The following MICA variants were observed in gnomAD, a reference collection of about 807,000 sequenced individuals.
The protein encoded by MICA is HLA class I antigen.
MICA carries 18 observed loss-of-function variants against 34.3 expected under a neutral mutation model. The observed-to-expected ratio is 0.52, with a 90% CI of 0.36 to 0.78. MICA has a LOEUF of 0.78. MICA is among the 30% of genes least tolerant of loss of function. The pLI, the probability that MICA is intolerant of heterozygous loss-of-function variation, is 0.00. For missense variants in MICA, 333 were observed against 409.4 expected, an observed-to-expected ratio of 0.81 and a Z score of 1.61; for synonymous variants, 135 against 156.9, an observed-to-expected ratio of 0.86 and a Z score of 1.04.
intron 1 of MICA, among the ~76,000 whole-genome samples, chr6:31,404,197 C>T (rs1184635243): frequency 2.0e-5 from 3 of 151,668 alleles, no homozygotes; most frequent in Non-Finnish European, 4.4e-5. Flanking sequence ...TCTCGGGACC[C>T]GGAGCTGGTG....
At position 31,411,336 on chromosome 6, in the gene MICA, C is replaced by A. The variant is rs1209271029; in HGVS notation, c.590C>A (p.Ser197Tyr). The A allele has an allele frequency of 6.3e-7, 1 of 1,577,036 alleles. No individual in the cohort carries two copies. Among genetic ancestry groups the A allele is most frequent in the Non-Finnish European group, 8.6e-7 (1 of 1,162,186 alleles). ...CAGGAACTACGGCGATATCTAGAAT[C>A]CGGCGTAGTCCTGAGGAGAACAGGT... ...CLQELRRYLESGVVLRRTVPP... is the reference protein window; with the variant it reads ...CLQELRRYLEYGVVLRRTVPP... Residue 197 changes from serine to tyrosine, a missense_variant, in exon 3 of 6, where the codon TCC (serine) becomes TAC (tyrosine). Ser to Tyr is a moderately radical substitution (Grantham distance 144). Coordinates refer to ENST00000449934, the MANE Select transcript of MICA (RefSeq NM_001177519.3). The surrounding 1 kb of genome is among the most constrained non-coding windows in gnomAD (Gnocchi z 4.3).
chr6:31,409,307 C>CTGTGTGTGTGTGTGTGTG (rs1491397090), intron 1 of MICA, among the ~76,000 whole-genome samples: 4 of 110,002 alleles, frequency 3.6e-5, no homozygotes, highest in African/African-American at 1.2e-4. Flanking sequence ...GCCAACCTTG[C>CTGTGTGTGTGTGTGTGTG]TCTGTGTGTG....
chr6:31,402,915 T>C (rs1770518134), upstream of MICA, among the ~76,000 whole-genome samples: 2 of 151,418 alleles, frequency 1.3e-5, no homozygotes, highest in Admixed American at 6.6e-5. Context: ...AGGGACTGAA[T>C]AGAGAGGCGG....
At chr6:31,405,510 ACAT>A (rs1770702539) in intron 1 of MICA, among the ~76,000 whole-genome samples, 1 of 151,862 alleles carries the variant, frequency 6.6e-6, no homozygotes, top group African/African-American at 2.4e-5. Flanking sequence ...TGTAATAATC[ACAT>A]CAGGGTAAAT....
chr6:31,410,591 C>T lies in MICA; in HGVS notation c.119C>T (p.Ser40Phe). Residue 40 changes from serine (S) to phenylalanine (F), a missense_variant, in exon 2 of 6, where the codon TCT (serine) becomes TTT (phenylalanine). Physicochemically the swap from Ser to Phe is radical, Grantham distance 155. Coordinates refer to ENST00000449934, the MANE Select transcript of MICA (RefSeq NM_001177519.3). ...YNLTVLSWDG[S>F]VQSGFLAEVH... is the part of the protein sequence containing the mutation. ...CTCACGGTGCTGTCCTGGGATGGAT[C>T]TGTGCAGTCAGGGTTTCTTGCTGAG... The T allele has an allele frequency of 3.1e-6, 5 of 1,613,444 alleles. No homozygotes were observed. The highest frequency in any genetic ancestry group is 4.2e-6 in the Non-Finnish European group (5 of 1,179,982).
At position 31,411,167 on chromosome 6, in the gene MICA, C is replaced by G; in HGVS notation, c.421C>G (p.Leu141Val). ...TTTCTACTACGATGGGGAGCTCTTC[C>G]TCTCCCAAAACCTGGAGACTGAGGA... ...QHFYYDGELFLSQNLETEEWT... is the reference protein window; with the variant it reads ...QHFYYDGELFVSQNLETEEWT... The change falls in exon 3 of 6, where the codon CTC (leucine) becomes GTC (valine). Residue 141 changes from leucine to valine, a missense_variant. Coordinates refer to ENST00000449934, the MANE Select transcript of MICA (RefSeq NM_001177519.3). The surrounding 1 kb of genome is among the most constrained non-coding windows in gnomAD (Gnocchi z 4.3). The G allele has an allele frequency of 6.2e-7, 1 of 1,613,128 alleles. No individual in the cohort carries two copies. The highest frequency in any genetic ancestry group is 8.5e-7 in the Non-Finnish European group (1 of 1,179,912).
At chr6:31,406,093 A>C (rs1172230373) in intron 1 of MICA, among the ~76,000 whole-genome samples, 1 of 151,818 alleles carries the variant, frequency 6.6e-6, no homozygotes, top group Non-Finnish European at 1.5e-5. Context: ...TGACAGCTCT[A>C]TTGTATTTTT....
chr6:31,402,505 G>A (rs1770485900), upstream of MICA, among the ~76,000 whole-genome samples: 1 of 151,900 alleles, frequency 6.6e-6, no homozygotes, highest in Admixed American at 6.6e-5. Flanking sequence ...AGCAGATGGG[G>A]CGCTGTGGGT....
rs998943323 is a variant in MICA at position 31,413,545 on chromosome 6, G to A, written c.*29+1085G>A. 2.0e-5 allele frequency among the ~76,000 whole-genome samples: 3 copies of A among 151,956 alleles called. 1 individual carries two copies. The highest frequency in any genetic ancestry group is 2.0e-4 in the Admixed American group (3 of 15,220). The stretch of plus-strand genomic sequence containing the variant: ...CTGCAAAGACAGAAGCAGTTCAGGC[G>A]ACAGTAAGAGGCTGGGGTGTCCAGG... On this transcript the variant is annotated intron_variant, in intron 5 of 5. Transcript: ENST00000449934.
In MICA at chr6:31,411,075, T is replaced by G; in HGVS notation, c.329T>G (p.Leu110Trp). Residue 110 changes from leucine to tryptophan, a missense_variant, in exon 3 of 6, where the codon TTG (leucine) becomes TGG (tryptophan). Transcript: ENST00000449934. This position sits in a 1 kb window ranked among gnomAD's most constrained non-coding sequence, Gnocchi z 4.3. ...LAHIKDQKEGLHSLQEIRVCE... is the reference protein window; with the variant it reads ...LAHIKDQKEGWHSLQEIRVCE... ...AGTCACTGCTGGGTGGGGGCAGGCT[T>G]GCATTCCCTCCAGGAGATTAGGGTC... The G allele has an allele frequency of 6.3e-7, 1 of 1,589,146 alleles. No homozygotes were observed. Among genetic ancestry groups the G allele is most frequent in the African/African-American group, 1.4e-5 (1 of 74,008 alleles).
At position 31,415,170 on chromosome 6, in the gene MICA, C is replaced by G. The variant is rs1771450760; in HGVS notation, c.*188C>G. 1.2e-6 allele frequency: 1 copy of G among 847,486 alleles called. No homozygotes were observed. The highest frequency in any genetic ancestry group is 1.8e-5 in the Admixed American group (1 of 54,122). 52.5% of individuals were successfully genotyped at this position (847,486 alleles called of 1,614,324 possible). A position where few individuals can be genotyped will look rare whatever the true frequency, so the allele number is the denominator to read the frequency against. ...ACAGCCAGGCGGCTGGAATTGAATT[C>G]CCTGCCTGGATCTCACAAGCACTTT... On this transcript the variant is annotated 3_prime_UTR_variant, in exon 6 of 6. Transcript: ENST00000449934.
At position 31,415,047 on chromosome 6, in the gene MICA, G is replaced by T; in HGVS notation, c.*65G>T. The T allele has an allele frequency of 2.8e-6, 4 of 1,444,026 alleles. No individual in the cohort carries two copies. The highest frequency in any genetic ancestry group is 3.9e-6 in the Non-Finnish European group (4 of 1,035,616). The allele number at this position is 1,444,026 out of a possible 1,614,324, so 89.5% of individuals were successfully genotyped here. A position where few individuals can be genotyped will look rare whatever the true frequency, so the allele number is the denominator to read the frequency against. ...CCTGCAGGTCCTGGATCAACACCCA[G>T]TTGGGACGAGTGACCACAGGGATGC... On this transcript the variant is annotated 3_prime_UTR_variant, in exon 6 of 6. Transcript: ENST00000449934.
intron 1 of MICA, among the ~76,000 whole-genome samples, chr6:31,406,653 C>T (rs1293783403): frequency 1.3e-5 from 2 of 151,796 alleles, no homozygotes; most frequent in African/African-American, 4.8e-5. Context: ...TAGAGAGTTT[C>T]CCCAATGTTT....
intron 1 of MICA, among the ~76,000 whole-genome samples, chr6:31,410,225 C>A (rs773230657): frequency 1.2e-4 from 19 of 152,060 alleles, no homozygotes; most frequent in African/African-American, 2.7e-4. Context: ...CTTCCTTCCA[C>A]CACCTTCATG....
chr6:31,414,319 G>C (rs969000094), intron 5 of MICA, among the ~76,000 whole-genome samples: 2 of 152,052 alleles, frequency 1.3e-5, no homozygotes, highest in African/African-American at 4.8e-5. Flanking sequence ...CCCTGGGGTG[G>C]AGCTGCGTTT....
At chr6:31,406,227 T>A (rs1424974161) in intron 1 of MICA, among the ~76,000 whole-genome samples, 1 of 151,670 alleles carries the variant, frequency 6.6e-6, no homozygotes, top group African/African-American at 2.4e-5. Context: ...CCTTATTGCC[T>A]GTCTTCTGGA....
At chr6:31,413,642 G>T (rs1475332198) in intron 5 of MICA, among the ~76,000 whole-genome samples, 2 of 151,886 alleles carry the variant, frequency 1.3e-5, no homozygotes, top group Admixed American at 6.6e-5. Flanking sequence ...CGGCCCCTCA[G>T]GCCTGAGCAG....
chr6:31,404,357 C>T (rs1420599149), intron 1 of MICA, among the ~76,000 whole-genome samples: 3 of 151,614 alleles, frequency 2.0e-5, no homozygotes, highest in Non-Finnish European at 4.4e-5. Context: ...CCTCTCCTCT[C>T]TCTCATCCCA....
At position 31,411,424 on chromosome 6, in the gene MICA, A is replaced by G. The variant is rs1206798011; in HGVS notation, c.613+65A>G. 1.4e-6 allele frequency: 2 copies of G among 1,454,604 alleles called. No homozygotes were observed. The highest frequency in any genetic ancestry group is 1.8e-6 in the Non-Finnish European group (2 of 1,084,864). The allele number at this position is 1,454,604 out of a possible 1,614,324, so 90.1% of individuals were successfully genotyped here. A position where few individuals can be genotyped will look rare whatever the true frequency, so the allele number is the denominator to read the frequency against. On this transcript the variant is annotated intron_variant, in intron 3 of 5. Transcript: ENST00000449934. The surrounding 1 kb of genome is among the most constrained non-coding windows in gnomAD (Gnocchi z 4.3). The stretch of plus-strand genomic sequence containing the variant: ...CTGCTAGAGTTGCCTCACCTCCCAG[A>G]TGTGTCCAGGGAAACCCTCCCTGTG...
Sources: gnomAD v4.1 joint callset for allele counts (sites outside exome capture counted in the v4.1 genomes callset) on GRCh38, gnomAD v4.1.1 for gene constraint, Gnocchi (gnomAD v3.1) non-coding constraint, MANE v1.5 for transcripts, NCBI Gene and HGNC (gene_info 2026-07-23, HGNC 2026-07-21) for gene names.